Variants in METRNL observed in about 807,000 individuals in gnomAD.
METRNL encodes the protein meteorin like, glial cell differentiation regulator.
METRNL carries 9 observed loss-of-function variants against 17.4 expected under a neutral mutation model. That is an observed-to-expected ratio of 0.52 (90% CI 0.31 to 0.90). METRNL has a LOEUF of 0.90. METRNL is among the 40% of genes least tolerant of loss of function. METRNL has a pLI of 0.05. For synonymous variants in METRNL, 215 were observed against 199.3 expected (o/e 1.08, Z -0.66); for missense variants, 408 against 430.7 (o/e 0.95, Z 0.47).
chr17:83,091,288 T>G (rs1421284429), intron 2 of METRNL, among the ~76,000 whole-genome samples: 4 of 152,114 alleles, frequency 2.6e-5, no homozygotes, highest in African/African-American at 7.2e-5. Context: ...TCCTGATACC[T>G]TAATGGAAGC....
chr17:83,094,342 C>G lies in METRNL; in HGVS notation c.703C>G (p.Gln235Glu). ...CCTGCGCGTGAGCAGACTCTATCGG[C>G]AGAAAAGCAGGGTCTTCGAGCCGGT... ...IHLRVSRLYR[Q>E]KSRVFEPVPE... Residue 235 changes from glutamine (Q) to glutamate (E), a missense_variant, in exon 4 of 4, where the codon CAG becomes GAG. Transcript: ENST00000320095. 1 of 1,610,596 alleles carries G rather than the reference C, an allele frequency of 6.2e-7. No homozygotes were observed. The highest frequency in any genetic ancestry group is 8.5e-7 in the Non-Finnish European group (1 of 1,178,312).
intron 1 of METRNL, among the ~76,000 whole-genome samples, chr17:83,082,890 C>T (rs748428693): frequency 2.0e-5 from 3 of 152,202 alleles, no homozygotes; most frequent in Admixed American, 6.5e-5. Flanking sequence ...ATGTGAAAAT[C>T]CCTACGTCAG....
Position 83,079,741 on chromosome 17 carries a change from G to T in METRNL, c.-75G>T, listed in dbSNP as rs1168573489. 1 of 687,994 alleles carries T rather than the reference G, an allele frequency of 1.5e-6. No homozygotes were observed. The highest frequency in any genetic ancestry group is 6.5e-5 in the South Asian group (1 of 15,422). 42.6% of individuals were successfully genotyped at this position (687,994 alleles called of 1,614,324 possible). A position where few individuals can be genotyped will look rare whatever the true frequency, so the allele number is the denominator to read the frequency against. ...CGGACTCGAAGCCCGCCCCGCCCCC[G>T]CCCGGCTCGCCGGCTCCGGGGTCTG... On this transcript the variant is annotated 5_prime_UTR_variant, in exon 1 of 4. Coordinates refer to ENST00000320095, the MANE Select transcript of METRNL (RefSeq NM_001004431.3).
chr17:83,093,591 CGTTGGACA>C (rs1478102422), intron 3 of METRNL, among the ~76,000 whole-genome samples: 1 of 152,246 alleles, frequency 6.6e-6, no homozygotes, highest in African/African-American at 2.4e-5. Flanking sequence ...GCATCCTTGG[CGTTGGACA>C]CTCCTTGCCC....
rs1308311206 is a variant in METRNL, at chr17:83,094,660, CCG to C, written c.*91_*92del. On this transcript the variant is annotated 3_prime_UTR_variant, in exon 4 of 4. Transcript: ENST00000320095. ...TCCTGGTGGGGCCGTGCGGTGAGGG[CCG>C]CGCGCTGGGAGCCGCATGCCCTGGG... 1 of 1,183,798 alleles carries C rather than the reference CCG, an allele frequency of 8.4e-7. No homozygotes were observed. The highest frequency in any genetic ancestry group is 3.1e-5 in the East Asian group (1 of 32,570). 73.3% of individuals were successfully genotyped at this position (1,183,798 alleles called of 1,614,324 possible).
intron 1 of METRNL, among the ~76,000 whole-genome samples, chr17:83,082,986 C>T (rs568753961): frequency 4.6e-5 from 7 of 152,244 alleles, no homozygotes; most frequent in African/African-American, 1.4e-4. Flanking sequence ...GGTGCAGACC[C>T]GTCTGAGTGC....
At chr17:83,082,834 T>A (rs932402320) in intron 1 of METRNL, among the ~76,000 whole-genome samples, 11 of 152,222 alleles carry the variant, frequency 7.2e-5, no homozygotes, top group Admixed American at 6.5e-4. Flanking sequence ...ATCGTTTAAC[T>A]TTTTTTGTCT....
Position 83,094,647 on chromosome 17 carries a change from C to A in METRNL, c.*72C>A. 1.5e-6 allele frequency: 2 copies of A among 1,303,060 alleles called. No individual in the cohort carries two copies. Among genetic ancestry groups the A allele is most frequent in the Non-Finnish European group, 2.0e-6 (2 of 1,004,782 alleles). 80.7% of individuals were successfully genotyped at this position (1,303,060 alleles called of 1,614,324 possible). On this transcript the variant is annotated 3_prime_UTR_variant, in exon 4 of 4. Coordinates refer to ENST00000320095, the MANE Select transcript of METRNL (RefSeq NM_001004431.3). Reference sequence around the variant, plus strand: ...GTGGGCGCTGCGGTCCTGGTGGGGCCGTGCGGTGAGGGCCGCGCGCTGGGA... The same window carrying A: ...GTGGGCGCTGCGGTCCTGGTGGGGCAGTGCGGTGAGGGCCGCGCGCTGGGA...
At chr17:83,082,757 G>T (rs555141883) in intron 1 of METRNL, among the ~76,000 whole-genome samples, 2 of 152,242 alleles carry the variant, frequency 1.3e-5, no homozygotes, top group Non-Finnish European at 2.9e-5. Flanking sequence ...TTTCTGGTAG[G>T]AACCAGCACA....
intron 2 of METRNL, among the ~76,000 whole-genome samples, chr17:83,090,550 G>T (rs563135724): frequency 5.8e-4 from 71 of 123,274 alleles, no homozygotes; most frequent in Non-Finnish European, 1.0e-3. Flanking sequence ...TGACTGTGAG[G>T]ATGGACTTCC....
At chr17:83,089,147 G>A (rs966587591) in intron 2 of METRNL, among the ~76,000 whole-genome samples, 4 of 152,132 alleles carry the variant, frequency 2.6e-5, no homozygotes, top group African/African-American at 9.7e-5. Context: ...GCAGCGCGAC[G>A]GTGATGATGG....
At chr17:83,087,706 G>GC (rs988001235) in intron 2 of METRNL, among the ~76,000 whole-genome samples, 2 of 152,130 alleles carry the variant, frequency 1.3e-5, no homozygotes, top group Admixed American at 1.3e-4. Flanking sequence ...GGTTTCCCTT[G>GC]CCTCCCGTTC....
rs201637792 is a variant in METRNL, at chr17:83,084,938, C to T, written c.171C>T (p.Ser57=). 1.1e-5 allele frequency: 17 copies of T among 1,608,128 alleles called. No homozygotes were observed. Among genetic ancestry groups the T allele is most frequent in the Admixed American group, 5.0e-5 (3 of 59,798 alleles). Residue 57 remains serine, a splice_region_variant and synonymous_variant, in exon 2 of 4, where the codon AGC becomes AGT. Transcript: ENST00000320095. ...GGCTGACAGTGTCTCTCCTCTGCAG[C>T]GGGCTGACGCACGAGGCACACAGGA... The part of the protein sequence containing the change: ...YSSDRCSWKG[S]GLTHEAHRKE...
chr17:83,080,828 C>G (rs571652105), intron 1 of METRNL, among the ~76,000 whole-genome samples: 132 of 150,106 alleles, frequency 8.8e-4, no homozygotes, highest in Non-Finnish European at 1.6e-3. Flanking sequence ...CGGGCTGGCC[C>G]GGGCCTGGGT....
intron 2 of METRNL, among the ~76,000 whole-genome samples, chr17:83,087,779 G>A (rs1417916437): frequency 8.8e-6 from 1 of 114,252 alleles, no homozygotes; most frequent in Non-Finnish European, 2.3e-5. Context: ...GCCCCGCCGA[G>A]CCTGAGGTGA....
In METRNL at chr17:83,080,055, AGCGTGCGGGGGCGCGGCCGGGGGCGG is replaced by A. The variant is rs2037964432; in HGVS notation, c.170+74_170+99del. ...GTCCCCTCCCGTCCCGGGCCGGCCGAGCGTGCGGGGGCGCGGCCGGGGGCGGGCGCGGGGCAGGGGCTCCGGGGGCC... is the reference window on the plus strand; with the variant it reads ...GTCCCCTCCCGTCCCGGGCCGGCCGAGCGCGGGGCAGGGGCTCCGGGGGCC... On this transcript the variant is annotated intron_variant, in intron 1 of 3. Coordinates refer to ENST00000320095, the MANE Select transcript of METRNL (RefSeq NM_001004431.3). 1.3e-5 allele frequency: 12 copies of A among 927,936 alleles called. 1 individual carries two copies. The South Asian group carries it at 3.4e-4, about 26-fold the overall frequency. The allele number at this position is 927,936 out of a possible 1,614,324, so 57.5% of individuals were successfully genotyped here. A position where few individuals can be genotyped will look rare whatever the true frequency, so the allele number is the denominator to read the frequency against.
At chr17:83,084,811 C>T (rs1010168232) in intron 1 of METRNL, 127 bp from the exon 2 acceptor site, 77 of 1,262,522 alleles carry the variant, frequency 6.1e-5, no homozygotes, top group African/African-American at 1.8e-4. Context: ...CACCTGTGGC[C>T]GGCAGCGGGT....
chr17:83,090,953 G>A (rs1389402593), intron 2 of METRNL, among the ~76,000 whole-genome samples: 11 of 152,180 alleles, frequency 7.2e-5, no homozygotes, highest in Non-Finnish European at 5.9e-5. Flanking sequence ...AGTGGGATGG[G>A]GGTCCACATA....
At chr17:83,084,330 C>T (rs1002474584) in intron 1 of METRNL, 1 of 152,616 alleles carries the variant, frequency 6.6e-6, no homozygotes, top group African/African-American at 2.4e-5. Context: ...AAACTGCCAA[C>T]ACTCTGGATT....
Sources: allele counts gnomAD v4.1 joint callset (sites outside exome capture counted in the v4.1 genomes callset), GRCh38; gene constraint gnomAD v4.1.1; transcripts MANE v1.5; gene names NCBI Gene and HGNC (gene_info 2026-07-23, HGNC 2026-07-21).